The following RSRC1 variants were observed in gnomAD, a reference collection of about 807,000 sequenced individuals.
RSRC1 encodes the protein arginine and serine rich coiled-coil 1, also known as serine/Arginine-related protein 53.
Under a neutral mutation model 49.1 loss-of-function variants are expected in RSRC1, and 39 were observed. The ratio of observed to expected loss-of-function variants is 0.79; its 90% CI spans 0.61 to 1.04. The LOEUF is 1.04. Among genes scored for constraint, RSRC1 ranks in the 50% least tolerant of loss-of-function variants. RSRC1 has a pLI of 0.00. For synonymous variants in RSRC1, 143 were observed against 130.8 expected (o/e 1.09, Z -0.63); for missense variants, 388 against 402.4 (o/e 0.96, Z 0.31).
intron 5 of RSRC1, among the ~76,000 whole-genome samples, chr3:158,300,500 G>A (rs1404024602): frequency 6.6e-6 from 1 of 152,132 alleles, no homozygotes; most frequent in Non-Finnish European, 1.5e-5. Context: ...GAGCATTAAT[G>A]AAACCTGTTC....
At chr3:158,529,035 A>G (rs143865109) in intron 7 of RSRC1, among the ~76,000 whole-genome samples, 4 of 151,868 alleles carry the variant, frequency 2.6e-5, no homozygotes, top group African/African-American at 7.2e-5. Context: ...AGGTTTTTAG[A>G]AACTTTTTAA....
At chr3:158,533,910 CAAAGA>C (rs1712564227) in intron 7 of RSRC1, among the ~76,000 whole-genome samples, 3 of 151,522 alleles carry the variant, frequency 2.0e-5, no homozygotes, top group Non-Finnish European at 4.4e-5. Context: ...ATTAGCTGGG[CAAAGA>C]ATCTTCTCTC....
At chr3:158,173,000 T>C (rs1255889997) in intron 3 of RSRC1, among the ~76,000 whole-genome samples, 1 of 152,068 alleles carries the variant, frequency 6.6e-6, no homozygotes, top group East Asian at 1.9e-4. Context: ...GATAACCTTG[T>C]TTCAGTTTTT....
At chr3:158,156,364 A>G (rs1292836680) in intron 3 of RSRC1, among the ~76,000 whole-genome samples, 2 of 152,120 alleles carry the variant, frequency 1.3e-5, no homozygotes, top group African/African-American at 4.8e-5. Flanking sequence ...TTGATCTTCT[A>G]TTCAGCCCAC....
chr3:158,509,057 T>C (rs1004860835), intron 7 of RSRC1, among the ~76,000 whole-genome samples: 24 of 152,246 alleles, frequency 1.6e-4, no homozygotes, highest in African/African-American at 5.8e-4. Context: ...GCGTGATATT[T>C]AAGAGGGCTT....
At chr3:158,409,162 T>A (rs1055862420) in intron 6 of RSRC1, among the ~76,000 whole-genome samples, 1 of 151,802 alleles carries the variant, frequency 6.6e-6, no homozygotes, top group Non-Finnish European at 1.5e-5. Flanking sequence ...AGGGATAGGA[T>A]CAGGAACAAT....
rs535954971 is a variant in RSRC1, at chr3:158,396,124, A to G, written c.583+41216A>G. On this transcript the variant is annotated intron_variant, in intron 6 of 9. Coordinates refer to ENST00000611884, the MANE Select transcript of RSRC1 (RefSeq NM_001271838.2). ...CTGCGTGTCCTCACTTATAAGTTGGAGCTAAACATTGCGAACACATGGACA... is the reference window on the plus strand; with the variant it reads ...CTGCGTGTCCTCACTTATAAGTTGGGGCTAAACATTGCGAACACATGGACA... Among the ~76,000 whole-genome samples the G allele has an allele frequency of 1.4e-3, 214 of 152,118 alleles. 1 individual carries two copies. Among genetic ancestry groups the G allele is most frequent in the Non-Finnish European group, 2.6e-3 (180 of 68,012 alleles).
intron 7 of RSRC1, among the ~76,000 whole-genome samples, chr3:158,475,477 C>T (rs1358132012): frequency 6.6e-6 from 1 of 152,112 alleles, no homozygotes; most frequent in East Asian, 1.9e-4. Context: ...CTGCATTGAA[C>T]AAGTCTGTTG....
At chr3:158,373,108 C>G (rs1342114415) in intron 6 of RSRC1, among the ~76,000 whole-genome samples, 4 of 151,710 alleles carry the variant, frequency 2.6e-5, no homozygotes, top group African/African-American at 9.7e-5. Flanking sequence ...TAGGATTTTT[C>G]TTTTTTGGCT....
chr3:158,250,420 A>T (rs1008448539), intron 4 of RSRC1, among the ~76,000 whole-genome samples: 1 of 152,180 alleles, frequency 6.6e-6, no homozygotes, highest in Non-Finnish European at 1.5e-5. Context: ...GTACTAATTT[A>T]CACTTTCACC....
In RSRC1 at chr3:158,477,798, T is replaced by TATATATATATA. The variant is rs1738432613; in HGVS notation, c.652+16795_652+16796insATATATATATA. Reference sequence around the variant, plus strand: ...TGATGGGATAGGTTGCGGGAGGGATTTATATATATATATATATATATATAT... The same window carrying TATATATATATA: ...TGATGGGATAGGTTGCGGGAGGGATTATATATATATATATATATATATATATATATATATAT... On this transcript the variant is annotated intron_variant, in intron 7 of 9. Transcript: ENST00000611884. 1.5e-3 allele frequency among the ~76,000 whole-genome samples: 137 copies of TATATATATATA among 89,752 alleles called. 3 individuals carry two copies. The highest frequency in any genetic ancestry group is 5.9e-3 in the African/African-American group (128 of 21,636). The allele number at this position is 89,752 out of a possible 152,430, so 58.9% of individuals were successfully genotyped here.
chr3:158,248,940 T>C (rs1724057893), intron 4 of RSRC1, among the ~76,000 whole-genome samples: 1 of 152,184 alleles, frequency 6.6e-6, no homozygotes, highest in African/African-American at 2.4e-5. Context: ...CTCCATATAC[T>C]TACCAATAGT....
chr3:158,174,434 A>T (rs1719075870), intron 3 of RSRC1, among the ~76,000 whole-genome samples: 1 of 152,056 alleles, frequency 6.6e-6, no homozygotes, highest in South Asian at 2.1e-4. Context: ...ACTGTATTAT[A>T]GAATTAACAC....
chr3:158,363,812 A>G (rs1024026888), intron 6 of RSRC1, among the ~76,000 whole-genome samples: 1 of 152,222 alleles, frequency 6.6e-6, no homozygotes, highest in African/African-American at 2.4e-5. Context: ...GAGTGTTTAT[A>G]GTAGCTAAAT....
At chr3:158,443,195 C>T (rs567607352) in intron 6 of RSRC1, among the ~76,000 whole-genome samples, 22 of 152,240 alleles carry the variant, frequency 1.4e-4, no homozygotes, top group African/African-American at 4.3e-4. Flanking sequence ...GCCCCTGACA[C>T]GAGAGTCAGC....
rs572057634 is a variant in RSRC1 at position 158,414,266 on chromosome 3, T to C, written c.584-46669T>C. Reference sequence around the variant, plus strand: ...CCCTTTGCAGGGACATGGATGGAGCTGGAAGCCATTATCCTCAGCAGACTA... The same window carrying C: ...CCCTTTGCAGGGACATGGATGGAGCCGGAAGCCATTATCCTCAGCAGACTA... On this transcript the variant is annotated intron_variant, in intron 6 of 9. Coordinates refer to ENST00000611884, the MANE Select transcript of RSRC1 (RefSeq NM_001271838.2). Among the ~76,000 whole-genome samples the C allele has an allele frequency of 2.0e-5, 3 of 152,210 alleles. No homozygotes were observed. The East Asian group carries it at 5.8e-4, about 30-fold the overall frequency.
intron 3 of RSRC1, among the ~76,000 whole-genome samples, chr3:158,155,839 C>G (rs1291461139): frequency 6.6e-6 from 1 of 152,092 alleles, no homozygotes; most frequent in African/African-American, 2.4e-5. Flanking sequence ...TGCTATCATC[C>G]AGGCTTTGTT....
At chr3:158,207,143 A>C (rs1356024189) in intron 4 of RSRC1, among the ~76,000 whole-genome samples, 1 of 152,126 alleles carries the variant, frequency 6.6e-6, no homozygotes, top group Non-Finnish European at 1.5e-5. Flanking sequence ...TTAACGACAC[A>C]CTATCCTCAT....
At chr3:158,213,960 C>T (rs546969554) in intron 4 of RSRC1, among the ~76,000 whole-genome samples, 12 of 151,862 alleles carry the variant, frequency 7.9e-5, no homozygotes, top group African/African-American at 2.9e-4. Context: ...CTTCCATACC[C>T]GCAGGTTCCA....
Sources: allele counts gnomAD v4.1 joint callset (sites outside exome capture counted in the v4.1 genomes callset), GRCh38; gene constraint gnomAD v4.1.1; transcripts MANE v1.5; gene names NCBI Gene and HGNC (gene_info 2026-07-23, HGNC 2026-07-21).